LNPEP: variants seen among roughly 807,000 people sequenced by gnomAD.
The protein encoded by LNPEP is leucyl and cystinyl aminopeptidase.
Under a neutral mutation model 120.6 loss-of-function variants are expected in LNPEP, and 64 were observed. The observed-to-expected ratio is 0.53, with a 90% CI of 0.43 to 0.65. The LOEUF is 0.65. Ranked by LOEUF, LNPEP falls within the 30% of genes least tolerant of loss-of-function variation. The pLI is 0.00. For missense variants in LNPEP, 1,057 were observed against 1,200.0 expected (o/e 0.88, Z 1.76); for synonymous variants, 435 against 425.4 (o/e 1.02, Z -0.28).
At chr5:96,954,036 G>T (rs1056783786) in intron 1 of LNPEP, among the ~76,000 whole-genome samples, 1 of 152,196 alleles carries the variant, frequency 6.6e-6, no homozygotes, top group Admixed American at 6.5e-5. Context: ...GTATTAATCT[G>T]TCCACAGCAG....
chr5:96,977,151 T>C (rs185508195), intron 1 of LNPEP, among the ~76,000 whole-genome samples: 10 of 152,216 alleles, frequency 6.6e-5, no homozygotes, highest in Admixed American at 2.0e-4. Flanking sequence ...GGTAACCTCA[T>C]TGTGATCCAT....
chr5:96,938,044 C>G (rs1788961509), intron 1 of LNPEP, among the ~76,000 whole-genome samples: 1 of 152,180 alleles, frequency 6.6e-6, no homozygotes, highest in Non-Finnish European at 1.5e-5. Flanking sequence ...AAAACAGAAA[C>G]GACAATATCT....
At chr5:96,989,292 T>A (rs1285418178) in intron 4 of LNPEP, among the ~76,000 whole-genome samples, 9 of 99,606 alleles carry the variant, frequency 9.0e-5, no homozygotes, top group South Asian at 3.2e-4. Context: ...AATATATAAT[T>A]TATATATAAT....
At chr5:96,980,244 T>G (rs1363002195) in intron 2 of LNPEP, among the ~76,000 whole-genome samples, 1 of 152,164 alleles carries the variant, frequency 6.6e-6, no homozygotes, top group East Asian at 1.9e-4. Flanking sequence ...TCTTGAGTTT[T>G]TCACATTTTT....
intron 11 of LNPEP, chr5:97,010,221 A>AT: frequency 1.1e-6 from 1 of 924,102 alleles, no homozygotes. Context: ...TCTTATCCAC[A>AT]TTTTACTCAG....
chr5:96,993,830 T>G lies in LNPEP; in HGVS notation c.1266T>G (p.Ile422Met), dbSNP rs1252739516. ...TGTTATGTCCAGATTTGGTGGCTAT[T>G]CCTGACTTTGAAGCAGGAGCAATGG... ...YPLKKLDLVA[I>M]PDFEAGAMEN... The change falls in exon 6 of 18, where the codon ATT (isoleucine) becomes ATG (methionine). Residue 422 changes from isoleucine to methionine, a missense_variant. Physicochemically the swap from Ile to Met is conservative, Grantham distance 10. Coordinates refer to ENST00000231368, the MANE Select transcript of LNPEP (RefSeq NM_005575.3). 1.2e-6 allele frequency: 2 copies of G among 1,613,786 alleles called. No homozygotes were observed. Among genetic ancestry groups the G allele is most frequent in the Non-Finnish European group, 1.7e-6 (2 of 1,179,738 alleles).
intron 1 of LNPEP, among the ~76,000 whole-genome samples, chr5:96,944,670 G>A (rs1789145002): frequency 7.4e-6 from 1 of 134,548 alleles, no homozygotes; most frequent in Non-Finnish European, 1.5e-5. Flanking sequence ...CCAGGTTCAA[G>A]CAATTCTTGT....
chr5:97,012,210 G>T (rs1348255948), intron 11 of LNPEP, among the ~76,000 whole-genome samples: 1 of 152,060 alleles, frequency 6.6e-6, no homozygotes, highest in Non-Finnish European at 1.5e-5. Flanking sequence ...TGTGCGGGGG[G>T]ATCTGATAGG....
intron 8 of LNPEP, 87 bp from the exon 9 acceptor site, chr5:97,003,328 A>T (rs1409255806): frequency 2.6e-6 from 2 of 761,208 alleles, no homozygotes; most frequent in Non-Finnish European, 4.0e-6. Flanking sequence ...TTTTAGAATG[A>T]CTGTAGTTTG....
intron 2 of LNPEP, among the ~76,000 whole-genome samples, chr5:96,981,432 TTCTTAA>T (rs752143488): frequency 1.3e-5 from 2 of 152,220 alleles, no homozygotes; most frequent in Non-Finnish European, 1.5e-5. Flanking sequence ...AATACTCTAT[TTCTTAA>T]TCTTAAAGAA....
intron 9 of LNPEP, among the ~76,000 whole-genome samples, chr5:97,005,029 A>G (rs942732450): frequency 6.6e-6 from 1 of 152,110 alleles, no homozygotes; most frequent in Admixed American, 6.6e-5. Context: ...CTTCACTTCA[A>G]TACTGCTTCG....
intron 4 of LNPEP, among the ~76,000 whole-genome samples, chr5:96,987,409 A>T (rs530437197): frequency 6.6e-6 from 1 of 152,294 alleles, no homozygotes; most frequent in Admixed American, 6.5e-5. Flanking sequence ...AATATGATAG[A>T]ATGTCTTAGT....
intron 1 of LNPEP, among the ~76,000 whole-genome samples, chr5:96,975,747 T>C (rs574011925): frequency 6.6e-6 from 1 of 152,208 alleles, no homozygotes; most frequent in Admixed American, 6.6e-5. Flanking sequence ...TAAAAATTAC[T>C]CTGTCAAATT....
At chr5:96,954,120 G>T (rs1174847818) in intron 1 of LNPEP, among the ~76,000 whole-genome samples, 1 of 152,110 alleles carries the variant, frequency 6.6e-6, no homozygotes, top group East Asian at 1.9e-4. Flanking sequence ...AGATAATTGA[G>T]ACTATAAAGT....
chr5:96,993,180 T>G (rs764429591), intron 5 of LNPEP, 45 bp downstream of exon 5: 1 of 1,382,058 alleles, frequency 7.2e-7, no homozygotes, highest in Non-Finnish European at 9.7e-7. Context: ...AATTAGAACC[T>G]AGATTTATTT....
At chr5:96,940,317 A>T (rs146552158) in intron 1 of LNPEP, among the ~76,000 whole-genome samples, 175 of 152,322 alleles carry the variant, frequency 1.1e-3, no homozygotes, top group African/African-American at 3.9e-3. Flanking sequence ...ATAGATAACC[A>T]GAGAGATTGG....
intron 2 of LNPEP, among the ~76,000 whole-genome samples, chr5:96,984,878 C>T (rs1409741383): frequency 6.6e-6 from 1 of 152,176 alleles, no homozygotes; most frequent in Non-Finnish European, 1.5e-5. Context: ...TCCCTTTGTT[C>T]CCATTGCTTT....
At chr5:96,977,321 A>T (rs954603944) in intron 1 of LNPEP, among the ~76,000 whole-genome samples, 4 of 152,022 alleles carry the variant, frequency 2.6e-5, no homozygotes, top group East Asian at 1.9e-4. Context: ...GGCATGGGAA[A>T]GGGAGATGAT....
intron 5 of LNPEP, 32 bp from the exon 6 acceptor site, chr5:96,993,785 A>G: frequency 6.2e-7 from 1 of 1,605,504 alleles, no homozygotes; most frequent in South Asian, 1.1e-5. Flanking sequence ...AAGATGAGGG[A>G]AAGTTGATCA....
Sources: gnomAD v4.1 joint callset for allele counts (sites outside exome capture counted in the v4.1 genomes callset) on GRCh38, gnomAD v4.1.1 for gene constraint, MANE v1.5 for transcripts, NCBI Gene and HGNC (gene_info 2026-07-23, HGNC 2026-07-21) for gene names.